The following MACF1 variants were observed in gnomAD, a reference collection of about 807,000 sequenced individuals.
MACF1 encodes microtubule-actin cross-linking factor 1.
MACF1 carries 193 observed loss-of-function variants against 854.8 expected under a neutral mutation model. That is an observed-to-expected ratio of 0.23 (90% confidence interval 0.20 to 0.25). The LOEUF (loss-of-function observed/expected upper bound fraction) is 0.25, where lower values mean the gene tolerates loss of function less well. Among genes scored for constraint, MACF1 ranks in the 10% least tolerant of loss-of-function variants. The probability of loss-of-function intolerance (pLI) is 1.00; values close to 1 mark genes in which losing one functional copy is unlikely to be tolerated. For synonymous variants in MACF1, 3,185 were observed against 3,226.7 expected (o/e 0.99, Z 0.44); for missense variants, 7,722 against 8,929.1 (o/e 0.86, Z 5.45).
chr1:39,339,350 G>T (rs1042621419), intron 38 of MACF1, among the ~76,000 whole-genome samples: 1 of 152,168 alleles, frequency 6.6e-6, no homozygotes, highest in African/African-American at 2.4e-5. Context: ...AGTCTAACTG[G>T]AGATCTCTGA....
chr1:39,122,319 A>G (rs2148159587), intron 2 of MACF1, among the ~76,000 whole-genome samples: 1 of 147,608 alleles, frequency 6.8e-6, no homozygotes, highest in East Asian at 2.0e-4. Context: ...CAGTGGCGCG[A>G]TGTCGGCTCA....
chr1:39,243,031 G>A (rs67886352), intron 2 of MACF1, among the ~76,000 whole-genome samples: 24,330 of 152,086 alleles, frequency 0.16, 2,427 homozygotes, highest in Middle Eastern at 0.22. Flanking sequence ...CATTATTTTC[G>A]AAAGCAACTG....
chr1:39,334,374 G>A lies in MACF1; in HGVS notation c.7786G>A (p.Ala2596Thr). ...CATTTCTGGTCAGAGATTGACCTTG[G>A]CAGAAGCTAAAAAAGAAGGACTGTT... ...DLISGQRLTL[A>T]EAKKEGLLTN... is the part of the protein sequence containing the mutation. The change falls in exon 37 of 101, where the codon GCA becomes ACA. Residue 2596 changes from alanine (A) to threonine (T), a missense_variant. Physicochemically the swap from Ala to Thr is moderately conservative, Grantham distance 58. Coordinates refer to ENST00000564288, the MANE Select transcript of MACF1 (RefSeq NM_001394062.1). 1.9e-6 allele frequency: 3 copies of A among 1,613,988 alleles called. No homozygotes were observed. Among genetic ancestry groups the A allele is most frequent in the Middle Eastern group, 3.3e-4 (2 of 6,062 alleles).
At chr1:39,383,240 T>C (rs972047792) in intron 56 of MACF1, among the ~76,000 whole-genome samples, 1 of 152,180 alleles carries the variant, frequency 6.6e-6, no homozygotes, top group East Asian at 1.9e-4. Context: ...ACTTACCAGG[T>C]TCCTTAAATT....
intron 2 of MACF1, among the ~76,000 whole-genome samples, chr1:39,121,918 C>T (rs1256729679): frequency 6.6e-6 from 1 of 152,082 alleles, no homozygotes; most frequent in Non-Finnish European, 1.5e-5. Flanking sequence ...CTCCATTTGG[C>T]CCTCTTTTAC....
At chr1:39,461,129 T>C (rs563950618) in intron 92 of MACF1, among the ~76,000 whole-genome samples, 1 of 152,014 alleles carries the variant, frequency 6.6e-6, no homozygotes, top group Non-Finnish European at 1.5e-5. Flanking sequence ...GGTTTTCAGC[T>C]GGGAAACAAT....
chr1:39,168,636 A>C (rs1643906374), intron 2 of MACF1, among the ~76,000 whole-genome samples: 1 of 152,022 alleles, frequency 6.6e-6, no homozygotes, highest in Admixed American at 6.6e-5. Flanking sequence ...CCTGGCTCAA[A>C]TCTGTGTTTC....
chr1:39,452,690 G>C lies in MACF1; in HGVS notation c.20620G>C (p.Val6874Leu), dbSNP rs1215954697. Residue 6874 changes from valine to leucine, a missense_variant, in exon 87 of 101, where the codon GTG (valine) becomes CTG (leucine). Val to Leu is a conservative substitution (Grantham distance 32, BLOSUM62 1). Transcript: ENST00000564288. ...TTGTGCTTGGTTATTTCAGGCGGAA[G>C]TGTTTCGAGACACAGTCCACATGCT... The part of the protein sequence containing the change: ...RLEQALKQAE[V>L]FRDTVHMLLE... The C allele has an allele frequency of 1.2e-6, 2 of 1,612,994 alleles. No homozygotes were observed. Among genetic ancestry groups the C allele is most frequent in the Admixed American group, 1.7e-5 (1 of 60,024 alleles).
At chr1:39,456,092 G>A (rs1266785583) in intron 89 of MACF1, among the ~76,000 whole-genome samples, 3 of 152,162 alleles carry the variant, frequency 2.0e-5, no homozygotes, top group Non-Finnish European at 4.4e-5. Flanking sequence ...CCAGCACTTT[G>A]GGAGGCCAAG....
chr1:39,301,518 T>C (rs893791875), intron 22 of MACF1, among the ~76,000 whole-genome samples: 1 of 150,916 alleles, frequency 6.6e-6, no homozygotes, highest in Non-Finnish European at 1.5e-5. Context: ...CTCTGCCCCC[T>C]GGGTTCAAGT....
intron 6 of MACF1, among the ~76,000 whole-genome samples, chr1:39,275,984 A>G (rs989667581): frequency 6.6e-6 from 1 of 151,710 alleles, no homozygotes; most frequent in African/African-American, 2.4e-5. Context: ...CAGTGGTGCA[A>G]TCATAGCTCA....
chr1:39,229,367 AATAG>A (rs1445045087), intron 1 of MACF1, among the ~76,000 whole-genome samples: 1 of 152,242 alleles, frequency 6.6e-6, no homozygotes, highest in Admixed American at 6.5e-5. Context: ...AAAAAAAATA[AATAG>A]ATAAATATAT....
rs1168919114 is a variant in MACF1 at position 39,427,474 on chromosome 1, A to T, written c.16336A>T (p.Ile5446Phe). Residue 5446 changes from isoleucine to phenylalanine, a missense_variant, in exon 62 of 101, where the codon ATC becomes TTC. By Grantham distance (21) the Ile-to-Phe change is conservative. Coordinates refer to ENST00000564288, the MANE Select transcript of MACF1 (RefSeq NM_001394062.1). ...AAARQKQLED[I>F]LVLAKQFHET... is the part of the protein sequence containing the mutation. ...GTGTAGGCAAAAACAGCTGGAAGAC[A>T]TCCTGGTTCTGGCCAAACAGTTCCA... is the stretch of plus-strand genomic sequence containing the variant. 1.2e-6 allele frequency: 2 copies of T among 1,613,828 alleles called. No homozygotes were observed. Among genetic ancestry groups the T allele is most frequent in the South Asian group, 2.2e-5 (2 of 91,000 alleles).
intron 2 of MACF1, among the ~76,000 whole-genome samples, chr1:39,090,430 T>G (rs570179739): frequency 1.3e-5 from 2 of 152,310 alleles, no homozygotes; most frequent in South Asian, 4.1e-4. Context: ...ACATTAGCTG[T>G]GGGCTGGAAC....
At chr1:39,106,336 A>T (rs754732652) in intron 2 of MACF1, among the ~76,000 whole-genome samples, 7 of 151,900 alleles carry the variant, frequency 4.6e-5, no homozygotes, top group Non-Finnish European at 8.8e-5. Flanking sequence ...CTCCCACATA[A>T]AGATTTGCCT....
chr1:39,395,554 T>C (rs921710116), intron 58 of MACF1, among the ~76,000 whole-genome samples: 7 of 152,248 alleles, frequency 4.6e-5, no homozygotes, highest in African/African-American at 1.4e-4. Context: ...TGGTTGATGA[T>C]GCATTGCCAA....
chr1:39,451,498 C>T (rs907746546), intron 85 of MACF1, among the ~76,000 whole-genome samples: 3 of 152,084 alleles, frequency 2.0e-5, no homozygotes, highest in Non-Finnish European at 2.9e-5. Context: ...TAAATTCCAA[C>T]GGAAACCCAT....
chr1:39,116,711 C>G (rs1175895869), intron 2 of MACF1, among the ~76,000 whole-genome samples: 1 of 152,142 alleles, frequency 6.6e-6, no homozygotes, highest in Non-Finnish European at 1.5e-5. Flanking sequence ...TAGCTAAATA[C>G]TATGCAGAAA....
intron 2 of MACF1, among the ~76,000 whole-genome samples, chr1:39,191,379 T>C (rs1208023782): frequency 6.6e-6 from 1 of 152,202 alleles, no homozygotes; most frequent in African/African-American, 2.4e-5. Context: ...GGCAGCTGTT[T>C]CCAAAATGTT....
Sources: allele counts gnomAD v4.1 joint callset (sites outside exome capture counted in the v4.1 genomes callset), GRCh38; gene constraint gnomAD v4.1.1; transcripts MANE v1.5; gene names NCBI Gene and HGNC (gene_info 2026-07-23, HGNC 2026-07-21).